The following HEXB variants were observed in gnomAD, a reference collection of about 807,000 sequenced individuals.
The protein encoded by HEXB is hexosaminidase subunit beta.
HEXB carries 51 observed loss-of-function variants against 71.2 expected under a neutral mutation model. The observed-to-expected ratio is 0.72, with a 90% CI of 0.57 to 0.90. HEXB has a LOEUF of 0.90. HEXB is among the 40% of genes least tolerant of loss of function. HEXB has a pLI of 0.00. For synonymous variants in HEXB, 266 were observed against 249.3 expected (o/e 1.07, Z -0.63); for missense variants, 617 against 677.0 (o/e 0.91, Z 0.98).
At chr5:74,720,116 C>A in intron 11 of HEXB, 1 of 353,822 alleles carries the variant, frequency 2.8e-6, no homozygotes, top group Non-Finnish European at 5.3e-6. Flanking sequence ...TTTCTGGTGT[C>A]CAGGTAAGTT....
At chr5:74,694,398 T>C (rs1749065427) in intron 3 of HEXB, among the ~76,000 whole-genome samples, 1 of 152,100 alleles carries the variant, frequency 6.6e-6, no homozygotes, top group Admixed American at 6.6e-5. Flanking sequence ...TCCTGTAGAT[T>C]TAGAAACATA....
intron 2 of HEXB, among the ~76,000 whole-genome samples, chr5:74,691,268 A>G (rs909676346): frequency 5.9e-5 from 9 of 152,356 alleles, no homozygotes; most frequent in South Asian, 2.1e-4. Context: ...GGAGGAGGTG[A>G]CACATGTTAA....
upstream of HEXB, among the ~76,000 whole-genome samples, chr5:74,684,674 C>CTTTTTT (rs1191674612): frequency 2.6e-4 from 35 of 133,884 alleles, no homozygotes; most frequent in African/African-American, 7.1e-4. Context: ...TTTTTCTTTT[C>CTTTTTT]TTTTTTTTTT....
At chr5:74,674,448 G>A (rs1304814698) in intron 1 of HEXB, among the ~76,000 whole-genome samples, 1 of 151,818 alleles carries the variant, frequency 6.6e-6, no homozygotes, top group South Asian at 2.1e-4. Flanking sequence ...CTAAAAATAC[G>A]AAAAAATTAG....
At chr5:74,661,513 C>CTGTGTG (rs1179218651) in intron 1 of HEXB, among the ~76,000 whole-genome samples, 49 of 85,008 alleles carry the variant, frequency 5.8e-4, no homozygotes, top group African/African-American at 8.7e-4. Flanking sequence ...TTCTCTCTCT[C>CTGTGTG]TGTGTGTGTG....
intron 1 of HEXB, 69 bp from the exon 2 acceptor site, chr5:74,689,259 C>A (rs1294466654): frequency 8.3e-7 from 1 of 1,200,030 alleles, no homozygotes; most frequent in Non-Finnish European, 1.2e-6. Flanking sequence ...TACAATGTTA[C>A]TAGCACATCT....
chr5:74,677,779 A>C (rs1305550997), intron 1 of HEXB, among the ~76,000 whole-genome samples: 1 of 152,026 alleles, frequency 6.6e-6, no homozygotes, highest in Admixed American at 6.6e-5. Context: ...ATAGCAGTGA[A>C]TTCTGAGATT....
chr5:74,695,669 C>T (rs1198905098), intron 3 of HEXB, among the ~76,000 whole-genome samples: 1 of 150,602 alleles, frequency 6.6e-6, no homozygotes, highest in Non-Finnish European at 1.5e-5. Flanking sequence ...AGTGAAATCC[C>T]ATCTCTACTA....
At chr5:74,718,465 AGT>A (rs2112179967) in intron 10 of HEXB, 102 bp downstream of exon 10, 1 of 902,724 alleles carries the variant, frequency 1.1e-6, no homozygotes, top group Non-Finnish European at 1.9e-6. Flanking sequence ...TTACCTTTCT[AGT>A]GTAGTTAGTG....
At chr5:74,674,340 A>C (rs1748591917) in intron 1 of HEXB, among the ~76,000 whole-genome samples, 1 of 152,100 alleles carries the variant, frequency 6.6e-6, no homozygotes, top group Admixed American at 6.5e-5. Flanking sequence ...GTGGTGGCTC[A>C]AGCCTGTAAT....
chr5:74,642,774 G>A (rs1747928452), intron 1 of HEXB, among the ~76,000 whole-genome samples: 1 of 152,140 alleles, frequency 6.6e-6, no homozygotes, highest in South Asian at 2.1e-4. Context: ...CAAGGGAACA[G>A]CAAAGTTCAG....
At chr5:74,677,792 A>G (rs186851515) in intron 1 of HEXB, among the ~76,000 whole-genome samples, 193 of 152,132 alleles carry the variant, frequency 1.3e-3, no homozygotes, top group African/African-American at 4.6e-3. Flanking sequence ...CTGAGATTTT[A>G]GTGCACTGGT....
At position 74,720,487 on chromosome 5, in the gene HEXB, G is replaced by A; in HGVS notation, c.1477G>A (p.Val493Met). 2 of 1,613,606 alleles carry A rather than the reference G, an allele frequency of 1.2e-6. No homozygotes were observed. Among genetic ancestry groups the A allele is most frequent in the African/African-American group, 1.3e-5 (1 of 75,038 alleles). The change falls in exon 12 of 14, where the codon GTG (valine) becomes ATG (methionine). Residue 493 changes from valine (V) to methionine (M), a missense_variant. Val to Met is a conservative substitution (Grantham distance 21, BLOSUM62 1). Transcript: ENST00000261416. ...AGAAGCTTGTCTATGGGGAGAATAT[G>A]TGGATGCAACTAACCTCACTCCAAG... ...GGEACLWGEYVDATNLTPRLW... is the reference protein window; with the variant it reads ...GGEACLWGEYMDATNLTPRLW...
chr5:74,704,951 G>A (rs1273583273), intron 5 of HEXB, among the ~76,000 whole-genome samples: 2 of 152,026 alleles, frequency 1.3e-5, no homozygotes, highest in African/African-American at 4.8e-5. Flanking sequence ...AATTACCTGG[G>A]CATGGTAGTG....
chr5:74,705,416 A>T, intron 6 of HEXB, 96 bp downstream of exon 6: 4 of 789,614 alleles, frequency 5.1e-6, no homozygotes, highest in Non-Finnish European at 8.9e-6. Flanking sequence ...GATAGAATCA[A>T]AGTGTAAAAA....
rs139097505 is a variant in HEXB, at chr5:74,667,977, A to G, written c.-376-21351A>G. On this transcript the variant is annotated intron_variant, in intron 1 of 13. Coordinates refer to the HEXB transcript ENST00000511181. ...GGTTATATAACATCCACTGTCCACA[A>G]GGAGTAAGACTGGGAAGGGCTAAAT... is the stretch of plus-strand genomic sequence containing the variant. Among the ~76,000 whole-genome samples the G allele has an allele frequency of 3.1e-3, 470 of 152,296 alleles. 1 individual carries two copies. Among genetic ancestry groups the G allele is most frequent in the African/African-American group, 0.011 (437 of 41,546 alleles).
At chr5:74,661,112 C>T (rs1748311254) in intron 1 of HEXB, among the ~76,000 whole-genome samples, 1 of 152,084 alleles carries the variant, frequency 6.6e-6, no homozygotes, top group African/African-American at 2.4e-5. Context: ...TGTCTGTGGG[C>T]GTCGGGGGCT....
chr5:74,713,262 C>T (rs1325148613), intron 6 of HEXB, among the ~76,000 whole-genome samples: 1 of 152,088 alleles, frequency 6.6e-6, no homozygotes, highest in Non-Finnish European at 1.5e-5. Flanking sequence ...GACAAAAGCC[C>T]CAAAATGGCT....
At chr5:74,708,590 A>T (rs1749462257) in intron 6 of HEXB, among the ~76,000 whole-genome samples, 1 of 152,192 alleles carries the variant, frequency 6.6e-6, no homozygotes, top group Non-Finnish European at 1.5e-5. Context: ...AAAAGGATGG[A>T]GGAAGATCTA....
Sources: gnomAD v4.1 joint callset for allele counts (sites outside exome capture counted in the v4.1 genomes callset) on GRCh38, gnomAD v4.1.1 for gene constraint, MANE v1.5 for transcripts, NCBI Gene and HGNC (gene_info 2026-07-23, HGNC 2026-07-21) for gene names.